Variants in ATP8B1 observed in about 807,000 individuals in gnomAD.
The protein encoded by ATP8B1 is ATPase phospholipid transporting 8B1.
In ATP8B1, 80 loss-of-function variants were observed where a neutral mutation model predicts 149.9. That is an observed-to-expected ratio of 0.53 (90% CI 0.45 to 0.64). The LOEUF is 0.64. ATP8B1 is among the 30% of genes least tolerant of loss of function. The pLI is 0.00. For synonymous variants in ATP8B1, 536 were observed against 562.8 expected (o/e 0.95, Z 0.67); for missense variants, 1,247 against 1,552.6 (o/e 0.80, Z 3.31).
intron 20 of ATP8B1, among the ~76,000 whole-genome samples, chr18:57,663,761 A>ATTT (rs10598900): frequency 9.5e-4 from 93 of 97,414 alleles, no homozygotes; most frequent in Non-Finnish European, 1.1e-3. Context: ...TGCTTTGCCC[A>ATTT]TTTTTTTTTT....
Position 57,680,615 on chromosome 18 carries a change from C to CAAAAA in ATP8B1, c.1630+3416_1630+3420dup, listed in dbSNP as rs773143491. 1.6e-3 allele frequency among the ~76,000 whole-genome samples: 216 copies of CAAAAA among 137,704 alleles called. 3 individuals carry two copies. Among genetic ancestry groups the CAAAAA allele is most frequent in the East Asian group, 3.9e-3 (17 of 4,396 alleles). The allele number at this position is 137,704 out of a possible 152,430, so 90.3% of individuals were successfully genotyped here. ...CAAAACAAAACAAAACAAAACAAAACAAAAAAAAAACCACACACGCTCACA... is the reference window on the plus strand; with the variant it reads ...CAAAACAAAACAAAACAAAACAAAACAAAAAAAAAAAAAAACCACACACGCTCACA... On this transcript the variant is annotated intron_variant, in intron 15 of 27. Transcript: ENST00000648908.
chr18:57,732,319 ATG>A (rs1401960429), intron 1 of ATP8B1, among the ~76,000 whole-genome samples: 25,046 of 37,598 alleles, frequency 0.67, 11,318 homozygotes, highest in South Asian at 0.82. Flanking sequence ...GTGTGTATAT[ATG>A]TGTATATATG....
chr18:57,679,483 A>T (rs11877116), intron 15 of ATP8B1, among the ~76,000 whole-genome samples: 61,093 of 151,506 alleles, frequency 0.4, 12,687 homozygotes, highest in East Asian at 0.66. Context: ...AACCAGAAAG[A>T]CCTTCTTTTT....
chr18:57,797,713 T>C (rs1055836836), intron 1 of ATP8B1, among the ~76,000 whole-genome samples: 9 of 141,844 alleles, frequency 6.3e-5, no homozygotes, highest in African/African-American at 2.1e-4. Context: ...CTTTTTTTTT[T>C]TTTTTTTTTT....
At chr18:57,795,472 A>T (rs1276940455) in intron 1 of ATP8B1, among the ~76,000 whole-genome samples, 1 of 152,222 alleles carries the variant, frequency 6.6e-6, no homozygotes, top group Non-Finnish European at 1.5e-5. Context: ...TCTATCACAG[A>T]TGAATGGGTA....
chr18:57,684,323 A>G, intron 14 of ATP8B1, 131 bp from the exon 15 acceptor site: 1 of 1,002,644 alleles, frequency 1.0e-6, no homozygotes, highest in Non-Finnish European at 1.5e-6. Flanking sequence ...CACATTCTTA[A>G]ATGTCAAGAG....
intron 1 of ATP8B1, among the ~76,000 whole-genome samples, chr18:57,791,303 T>C (rs924568104): frequency 6.6e-6 from 1 of 152,086 alleles, no homozygotes; most frequent in African/African-American, 2.4e-5. Flanking sequence ...AGTTCATCCA[T>C]GTAGCATGTA....
chr18:57,771,365 C>T lies in ATP8B1; in HGVS notation c.-26+31633G>A, dbSNP rs117295654. Among the ~76,000 whole-genome samples the T allele has an allele frequency of 4.0e-3, 614 of 152,296 alleles. 2 individuals carry two copies. The highest frequency in any genetic ancestry group is 5.6e-3 in the Non-Finnish European group (383 of 68,038). ...GTTTTATTAAGCGTGATATAGTCTA[C>T]CTCTCTCAGCACTGGGCGTGGTGCA... On this transcript the variant is annotated intron_variant, in intron 1 of 27. Coordinates refer to ENST00000648908, the MANE Select transcript of ATP8B1 (RefSeq NM_001374385.1).
intron 1 of ATP8B1, among the ~76,000 whole-genome samples, chr18:57,789,871 C>T (rs1006809523): frequency 2.0e-5 from 3 of 152,114 alleles, no homozygotes; most frequent in African/African-American, 4.8e-5. Flanking sequence ...CACTGGCTTC[C>T]GAAGCGTTTC....
rs758313875 is a variant in ATP8B1 at position 57,697,706 on chromosome 18, C to G, written c.628-18G>C. On this transcript the variant is annotated intron_variant, in intron 7 of 27. Coordinates refer to ENST00000648908, the MANE Select transcript of ATP8B1 (RefSeq NM_001374385.1). Reference sequence around the variant, plus strand: ...ATGTCAGCCTGTCCAAAACAAAACACACAAATAACACCGAGACCCTGAGGG... The same window carrying G: ...ATGTCAGCCTGTCCAAAACAAAACAGACAAATAACACCGAGACCCTGAGGG... 4.8e-5 allele frequency: 78 copies of G among 1,613,774 alleles called. No homozygotes were observed. The highest frequency in any genetic ancestry group is 6.4e-5 in the Non-Finnish European group (76 of 1,179,926).
Position 57,688,416 on chromosome 18 carries a change from T to C in ATP8B1, c.1312A>G (p.Thr438Ala), listed in dbSNP as rs753124322. The change falls in exon 13 of 28, where the codon ACC becomes GCC. Residue 438 changes from threonine (T) to alanine (A), a missense_variant. By Grantham distance (58) the Thr-to-Ala change is moderately conservative (BLOSUM62 0). Around this residue, in one of 3 missense-constraint regions of ATP8B1, gnomAD observed 853 missense variants for 1,035.7 expected, o/e 0.82. Transcript: ENST00000648908. ...CCGAGCTGTTCATTGAGTGTGGTGGTTCTAGCTTTTGCGGGTGTGTCCTTC... is the reference window on the plus strand; with the variant it reads ...CCGAGCTGTTCATTGAGTGTGGTGGCTCTAGCTTTTGCGGGTGTGTCCTTC... ...AEKDTPAKAR[T>A]TTLNEQLGQI... 1 of 1,614,220 alleles carries C rather than the reference T, an allele frequency of 6.2e-7. No individual in the cohort carries two copies.
chr18:57,700,024 G>GA (rs1913042369), intron 6 of ATP8B1, among the ~76,000 whole-genome samples: 1 of 152,156 alleles, frequency 6.6e-6, no homozygotes, highest in African/African-American at 2.4e-5. Flanking sequence ...GAGCACAGGG[G>GA]GCCTCCTCAG....
At chr18:57,702,734 G>A (rs1431794232) in intron 4 of ATP8B1, among the ~76,000 whole-genome samples, 2 of 152,012 alleles carry the variant, frequency 1.3e-5, no homozygotes, top group African/African-American at 4.8e-5. Flanking sequence ...GCGCATGCCT[G>A]TAATCCCAGC....
intron 1 of ATP8B1, among the ~76,000 whole-genome samples, chr18:57,773,201 TAA>T (rs34028925): frequency 1.4e-5 from 2 of 139,438 alleles, no homozygotes; most frequent in Non-Finnish European, 1.5e-5. Context: ...GACTCTGTCT[TAA>T]AAAAAAAAAA....
chr18:57,662,437 CT>C (rs747642560), intron 21 of ATP8B1, 45 bp downstream of exon 21: 1 of 1,611,132 alleles, frequency 6.2e-7, no homozygotes, highest in East Asian at 2.2e-5. Flanking sequence ...TCCAAATGAA[CT>C]TCTTTCTTTT....
intron 1 of ATP8B1, among the ~76,000 whole-genome samples, chr18:57,800,354 T>TA (rs1490893535): frequency 6.6e-6 from 1 of 152,114 alleles, no homozygotes; most frequent in Non-Finnish European, 1.5e-5. Context: ...TAAAAAATTT[T>TA]AAAAAACAAC....
intron 1 of ATP8B1, among the ~76,000 whole-genome samples, chr18:57,777,564 T>C (rs1471868843): frequency 1.3e-5 from 2 of 152,188 alleles, no homozygotes; most frequent in African/African-American, 4.8e-5. Context: ...TGACACTTTA[T>C]TTTTTATTTA....
At chr18:57,794,226 C>G (rs1409574777) in intron 1 of ATP8B1, among the ~76,000 whole-genome samples, 3 of 151,990 alleles carry the variant, frequency 2.0e-5, no homozygotes, top group Non-Finnish European at 4.4e-5. Flanking sequence ...ATTTTCAGGG[C>G]ACAGTGTGAG....
intron 20 of ATP8B1, 60 bp downstream of exon 20, chr18:57,667,032 C>G (rs1910903242): frequency 1.4e-6 from 2 of 1,423,566 alleles, no homozygotes; most frequent in Non-Finnish European, 2.0e-6. Context: ...CTTCTACAGA[C>G]AGTCTTGCAT....
Sources: gnomAD v4.1 joint callset for allele counts (sites outside exome capture counted in the v4.1 genomes callset) on GRCh38, gnomAD v4.1.1 for gene constraint, gnomAD v4.1.1 regional missense constraint, MANE v1.5 for transcripts, NCBI Gene and HGNC (gene_info 2026-07-23, HGNC 2026-07-21) for gene names.